Variants in TAFA2 observed in about 807,000 individuals in gnomAD.
TAFA2 encodes the protein TAFA chemokine like family member 2, also known as chemokine-like protein TAFA-2.
In TAFA2, 7 loss-of-function variants were observed where a neutral mutation model predicts 18.8. The ratio of observed to expected loss-of-function variants is 0.37; its 90% CI spans 0.21 to 0.70. TAFA2 has a LOEUF of 0.70. Ranked by LOEUF, TAFA2 falls within the 30% of genes least tolerant of loss-of-function variation. TAFA2 has a pLI of 0.53. For missense variants in TAFA2, 122 were observed against 158.1 expected, an observed-to-expected ratio of 0.77 and a Z score of 1.23; for synonymous variants, 60 against 54.2, an observed-to-expected ratio of 1.11 and a Z score of -0.47.
intron 2 of TAFA2, among the ~76,000 whole-genome samples, chr12:61,866,624 T>C (rs1195285667): frequency 6.6e-6 from 1 of 152,196 alleles, no homozygotes; most frequent in Non-Finnish European, 1.5e-5. Context: ...AAGAATGTAA[T>C]TGTGAGTTGT....
At chr12:61,878,064 G>A (rs1181193402) in intron 1 of TAFA2, 1 of 455,132 alleles carries the variant, frequency 2.2e-6, no homozygotes, top group Admixed American at 2.4e-5. Context: ...CAAATACTGT[G>A]TGGTCCTACT....
intron 1 of TAFA2, among the ~76,000 whole-genome samples, chr12:61,972,317 A>AAAGATCCAG (rs1879276735): frequency 6.6e-6 from 1 of 151,552 alleles, no homozygotes; most frequent in Non-Finnish European, 1.5e-5. Flanking sequence ...AAAAAAAAAA[A>AAAGATCCAG]AAAGATCCAG....
rs1463073807 is a variant in TAFA2, at chr12:61,788,149, A to C, written c.107-33125T>G. 1.2e-4 allele frequency among the ~76,000 whole-genome samples: 18 copies of C among 151,708 alleles called. No homozygotes were observed. In the Admixed American group the frequency reaches 1.2e-3, roughly 10 times the overall value. ...ATAGAAATATCTATTCAGCAAGAGA[A>C]TATAACAATTATAAATATATATGCA... is the stretch of plus-strand genomic sequence containing the variant. On this transcript the variant is annotated intron_variant, in intron 2 of 4. Transcript: ENST00000416284.
intron 1 of TAFA2, among the ~76,000 whole-genome samples, chr12:62,015,744 C>G (rs995397116): frequency 1.3e-5 from 2 of 152,132 alleles, no homozygotes; most frequent in African/African-American, 2.4e-5. Flanking sequence ...GACATCCATC[C>G]CAGTCATCAG....
At chr12:61,793,049 T>C in intron 2 of TAFA2, among the ~76,000 whole-genome samples, 1 of 151,398 alleles carries the variant, frequency 6.6e-6, no homozygotes, top group East Asian at 1.9e-4. Context: ...GAAAGGGAAA[T>C]TAAAACTTGT....
chr12:62,234,429 C>T (rs2062826197), intron 1 of TAFA2: 1 of 750,074 alleles, frequency 1.3e-6, no homozygotes, highest in Non-Finnish European at 2.5e-6. Flanking sequence ...CATTGTTGGC[C>T]CGTGGGTCTG....
At chr12:61,721,038 T>C (rs1417937833) in intron 4 of TAFA2, 1 of 440,576 alleles carries the variant, frequency 2.3e-6, no homozygotes, top group Non-Finnish European at 4.5e-6. Flanking sequence ...GACAATAATG[T>C]CCTTTACCTC....
At chr12:62,006,243 T>C (rs1275143910) in intron 1 of TAFA2, among the ~76,000 whole-genome samples, 1 of 152,182 alleles carries the variant, frequency 6.6e-6, no homozygotes, top group Admixed American at 6.5e-5. Flanking sequence ...TGTTTTGTTT[T>C]TGTTTTTGTC....
intron 2 of TAFA2, among the ~76,000 whole-genome samples, chr12:61,837,743 G>A (rs1872994054): frequency 6.6e-6 from 1 of 151,924 alleles, no homozygotes; most frequent in Non-Finnish European, 1.5e-5. Context: ...ATTCTAGCAG[G>A]GGGTGGGGTA....
intron 1 of TAFA2, chr12:62,253,470 A>G (rs2062924221): frequency 1.3e-5 from 2 of 152,238 alleles, no homozygotes. Context: ...CATTTCTGTA[A>G]AAGTCTGACA....
intron 1 of TAFA2, chr12:62,070,710 A>G (rs1882609325): frequency 6.6e-6 from 1 of 152,246 alleles, no homozygotes; most frequent in African/African-American, 2.4e-5. Flanking sequence ...CGAATACTTT[A>G]CCTAAAGGCT....
At chr12:61,830,843 C>T (rs1220077497) in intron 2 of TAFA2, among the ~76,000 whole-genome samples, 2 of 151,992 alleles carry the variant, frequency 1.3e-5, no homozygotes, top group Non-Finnish European at 2.9e-5. Context: ...GAAGATATTT[C>T]ACTTCGGCCT....
intron 1 of TAFA2, among the ~76,000 whole-genome samples, chr12:61,947,462 AAAATAAATAAAT>A (rs555036395): frequency 6.6e-6 from 1 of 151,300 alleles, no homozygotes; most frequent in Non-Finnish European, 1.5e-5. Flanking sequence ...TATAATTTAA[AAAATAAATAAAT>A]AAATAAATAA....
chr12:62,050,675 A>G (rs1196580868), intron 1 of TAFA2, among the ~76,000 whole-genome samples: 1 of 152,130 alleles, frequency 6.6e-6, no homozygotes, highest in Non-Finnish European at 1.5e-5. Flanking sequence ...ACTCCTCCAC[A>G]TTATCCCTAC....
At chr12:62,077,991 A>G (rs1347061702) in intron 1 of TAFA2, among the ~76,000 whole-genome samples, 1 of 152,162 alleles carries the variant, frequency 6.6e-6, no homozygotes, top group Admixed American at 6.5e-5. Flanking sequence ...CATTCAAATA[A>G]TCTGTTAGCC....
intron 4 of TAFA2, among the ~76,000 whole-genome samples, chr12:61,711,952 T>C (rs538147334): frequency 1.4e-4 from 21 of 152,188 alleles, no homozygotes; most frequent in Admixed American, 1.0e-3. Context: ...GGAGTCATCA[T>C]ATACAATTTC....
chr12:61,998,395 G>C (rs1880271193), intron 1 of TAFA2, among the ~76,000 whole-genome samples: 1 of 151,996 alleles, frequency 6.6e-6, no homozygotes, highest in Non-Finnish European at 1.5e-5. Context: ...TAAAAAGATA[G>C]CGCTCTCATG....
intron 1 of TAFA2, among the ~76,000 whole-genome samples, chr12:61,933,975 CAAAT>C (rs1331891622): frequency 8.5e-5 from 13 of 152,158 alleles, no homozygotes; most frequent in African/African-American, 1.7e-4. Flanking sequence ...GCAGTTCTGA[CAAAT>C]AAATTAGCAT....
chr12:62,189,205 C>G (rs150362952), intron 1 of TAFA2, among the ~76,000 whole-genome samples: 1 of 151,966 alleles, frequency 6.6e-6, no homozygotes, highest in Non-Finnish European at 1.5e-5. Flanking sequence ...AAAAAAAATG[C>G]CTAATCTGAA....
Sources: gnomAD v4.1 joint callset for allele counts (sites outside exome capture counted in the v4.1 genomes callset) on GRCh38, gnomAD v4.1.1 for gene constraint, MANE v1.5 for transcripts, NCBI Gene and HGNC (gene_info 2026-07-23, HGNC 2026-07-21) for gene names.